Variants in HDX observed in about 807,000 individuals in gnomAD.
The protein encoded by HDX is chromosome X open reading frame 43.
A neutral mutation model predicts 45.2 loss-of-function variants in HDX; 19 were observed. The observed-to-expected ratio is 0.42, with a 90% confidence interval of 0.29 to 0.62. The LOEUF (loss-of-function observed/expected upper bound fraction) is 0.62, where lower values mean the gene tolerates loss of function less well. HDX is among the 20% of genes least tolerant of loss of function. HDX has a pLI of 0.20. For synonymous variants in HDX, 188 were observed against 172.8 expected, an observed-to-expected ratio of 1.09 and a Z score of -0.69; for missense variants, 532 against 493.9, an observed-to-expected ratio of 1.08 and a Z score of -0.73.
intron 6 of HDX, among the ~76,000 whole-genome samples, chrX:84,353,898 C>G (rs1369059868): frequency 9.0e-6 from 1 of 111,429 alleles, no homozygotes; most frequent in Non-Finnish European, 1.9e-5. Flanking sequence ...TAAACTGAAC[C>G]AATATCTATG....
At chrX:84,389,789 C>T (rs1171384139) in intron 5 of HDX, among the ~76,000 whole-genome samples, 1 of 110,679 alleles carries the variant, frequency 9.0e-6, no homozygotes, top group East Asian at 2.9e-4. Context: ...CTGCCCAGTG[C>T]ACAAAAACTC....
intron 5 of HDX, chrX:84,440,284 T>C (rs2039732197): frequency 3.7e-6 from 1 of 267,004 alleles, no homozygotes; most frequent in African/African-American, 2.8e-5. Flanking sequence ...ATGAATTATT[T>C]TGGAGTCACT....
At chrX:84,418,670 G>A (rs1208469589) in intron 5 of HDX, among the ~76,000 whole-genome samples, 3 of 111,591 alleles carry the variant, frequency 2.7e-5, no homozygotes, top group African/African-American at 9.8e-5. Flanking sequence ...AGTCCAGTAA[G>A]CTTGAAAGGT....
At chrX:84,406,282 A>G (rs1457559326) in intron 5 of HDX, among the ~76,000 whole-genome samples, 3 of 111,221 alleles carry the variant, frequency 2.7e-5, no homozygotes, top group African/African-American at 9.8e-5. Flanking sequence ...ATCCTGTGAA[A>G]ATGAAAAACC....
intron 5 of HDX, among the ~76,000 whole-genome samples, chrX:84,378,815 C>A (rs1002491026): frequency 1.8e-5 from 2 of 111,077 alleles, no homozygotes; most frequent in Non-Finnish European, 3.8e-5. Flanking sequence ...GATAATAACA[C>A]TGAATGTAAA....
intron 5 of HDX, among the ~76,000 whole-genome samples, chrX:84,408,495 C>CTTT (rs1381735080): frequency 1.1e-4 from 4 of 36,144 alleles, no homozygotes; most frequent in Non-Finnish European, 1.7e-4. Context: ...ATGCCTCCAG[C>CTTT]TTTGTTTTTT....
At chrX:84,414,622 A>G (rs1278241176) in intron 5 of HDX, among the ~76,000 whole-genome samples, 1 of 112,118 alleles carries the variant, frequency 8.9e-6, no homozygotes, top group Non-Finnish European at 1.9e-5. Context: ...ACTTCTGCCG[A>G]AAACACACCA....
intron 5 of HDX, among the ~76,000 whole-genome samples, chrX:84,367,209 C>T (rs1740663487): frequency 8.9e-6 from 1 of 111,922 alleles, no homozygotes; most frequent in African/African-American, 3.3e-5. Flanking sequence ...AAACACTTCT[C>T]AAAGAAAGAC....
chrX:84,480,551 A>C (rs7056821), intron 2 of HDX, among the ~76,000 whole-genome samples: 2,987 of 110,905 alleles, frequency 0.027, 80 homozygotes, highest in African/African-American at 0.07. Flanking sequence ...TCTTCTTCTT[A>C]TTATTATTAT....
intron 9 of HDX, among the ~76,000 whole-genome samples, chrX:84,329,025 G>A (rs1216264407): frequency 8.9e-6 from 1 of 112,118 alleles, no homozygotes; most frequent in Admixed American, 9.5e-5. Context: ...TTTTCTCATT[G>A]TAAATTGCAT....
Position 84,326,201 on chromosome X carries a change from C to T in HDX, c.1924G>A (p.Ala642Thr), listed in dbSNP as rs1453333272. Residue 642 changes from alanine to threonine, a missense_variant, in exon 10 of 11, where the codon GCT becomes ACT. Ala to Thr is a moderately conservative substitution (Grantham distance 58). Transcript: ENST00000373177. ...FVRSLILAMKADDKEQQQALL... is the reference protein window; with the variant it reads ...FVRSLILAMKTDDKEQQQALL... Reference sequence around the variant, plus strand: ...ACCTGCTGTTGTTCCTTATCATCAGCTTTCATTGCTAATATCAAGCTTCTA... The same window carrying T: ...ACCTGCTGTTGTTCCTTATCATCAGTTTTCATTGCTAATATCAAGCTTCTA... 1.7e-6 allele frequency: 2 copies of T among 1,205,522 alleles called. No homozygotes were observed. Among genetic ancestry groups the T allele is most frequent in the African/African-American group, 3.5e-5 (2 of 57,132 alleles).
intron 4 of HDX, among the ~76,000 whole-genome samples, chrX:84,458,753 A>G (rs1225082149): frequency 8.9e-6 from 1 of 111,736 alleles, no homozygotes; most frequent in Non-Finnish European, 1.9e-5. Context: ...CAAAATCGGA[A>G]ACCTGCCTCA....
chrX:84,494,180 T>A (rs1022466392), intron 1 of HDX, among the ~76,000 whole-genome samples: 31 of 111,952 alleles, frequency 2.8e-4, no homozygotes, highest in African/African-American at 1.0e-3. Context: ...CAGTGATATA[T>A]GGCACTAATG....
chrX:84,500,562 G>A (rs1265957081), intron 1 of HDX, among the ~76,000 whole-genome samples: 1 of 110,647 alleles, frequency 9.0e-6, no homozygotes, highest in East Asian at 2.8e-4. Context: ...GGAATTCTAG[G>A]AAAAGTGAGG....
chrX:84,376,070 A>T (rs1388151170), intron 5 of HDX, among the ~76,000 whole-genome samples: 1 of 112,214 alleles, frequency 8.9e-6, no homozygotes, highest in African/African-American at 3.2e-5. Flanking sequence ...GGAGATTATG[A>T]TTTAACAACT....
intron 6 of HDX, among the ~76,000 whole-genome samples, chrX:84,349,689 T>C (rs1432590577): frequency 1.9e-5 from 2 of 104,679 alleles, no homozygotes; most frequent in Non-Finnish European, 3.9e-5. Flanking sequence ...CCTGTGTGTG[T>C]GTGTGTGTGT....
chrX:84,393,557 T>C (rs1324355759), intron 5 of HDX, among the ~76,000 whole-genome samples: 2 of 111,672 alleles, frequency 1.8e-5, no homozygotes, highest in African/African-American at 6.5e-5. Context: ...TAAAGAGAAT[T>C]CATTCTTCTT....
intron 4 of HDX, among the ~76,000 whole-genome samples, chrX:84,465,534 G>A (rs1202591996): frequency 8.9e-6 from 1 of 112,142 alleles, no homozygotes; most frequent in African/African-American, 3.3e-5. Context: ...CATGGATGAA[G>A]TTGGAAACCA....
In HDX at chrX:84,455,701, T is replaced by A. The variant is rs1212627048; in HGVS notation, c.1251+12771A>T. On this transcript the variant is annotated intron_variant, in intron 4 of 10. Transcript: ENST00000373177. ...AATCTCCCAAACCTAGGGAAAGATA[T>A]TAATATTCAACTATAAGAAAGTTAT... Among the ~76,000 whole-genome samples, 3 of 111,698 alleles carry A rather than the reference T, an allele frequency of 2.7e-5. No individual in the cohort carries two copies. The East Asian group carries it at 8.5e-4, about 32-fold the overall frequency.
Sources: gnomAD v4.1 joint callset for allele counts (sites outside exome capture counted in the v4.1 genomes callset) on GRCh38, gnomAD v4.1.1 for gene constraint, MANE v1.5 for transcripts, NCBI Gene and HGNC (gene_info 2026-07-23, HGNC 2026-07-21) for gene names.